The following HSD17B11 variants were observed in gnomAD, a reference collection of about 807,000 sequenced individuals.
HSD17B11 encodes hydroxysteroid 17-beta dehydrogenase 11.
A neutral mutation model predicts 27.8 loss-of-function variants in HSD17B11; 22 were observed. That is an observed-to-expected ratio of 0.79 (90% CI 0.56 to 1.13). The LOEUF (loss-of-function observed/expected upper bound fraction) is 1.13, where lower values mean the gene tolerates loss of function less well. Ranked by LOEUF, HSD17B11 falls within the 50% of genes most tolerant of loss-of-function variation. The pLI is 0.00. For missense variants in HSD17B11, 314 were observed against 351.1 expected (o/e 0.89, Z 0.84); for synonymous variants, 117 against 132.8 (o/e 0.88, Z 0.82).
intron 5 of HSD17B11, among the ~76,000 whole-genome samples, chr4:87,354,789 G>A (rs1308484595): frequency 2.0e-5 from 3 of 151,890 alleles, no homozygotes; most frequent in Middle Eastern, 3.4e-3. Flanking sequence ...GGAAATATGG[G>A]GAAGTTTGAG....
At chr4:87,379,825 G>A (rs888031745) in intron 2 of HSD17B11, among the ~76,000 whole-genome samples, 25 of 115,728 alleles carry the variant, frequency 2.2e-4, no homozygotes, top group Non-Finnish European at 3.9e-4. Context: ...AGTATTAATA[G>A]TATATGTATT....
intron 4 of HSD17B11, among the ~76,000 whole-genome samples, chr4:87,370,981 T>C (rs1273974054): frequency 3.8e-5 from 5 of 131,944 alleles, no homozygotes; most frequent in South Asian, 2.2e-4. Context: ...CTCGATCTCC[T>C]GACCTCGTGA....
At chr4:87,383,452 A>G (rs1395254064) in intron 1 of HSD17B11, among the ~76,000 whole-genome samples, 1 of 152,202 alleles carries the variant, frequency 6.6e-6, no homozygotes, top group Non-Finnish European at 1.5e-5. Flanking sequence ...GAAAAAATGT[A>G]GAGGAAAGAA....
chr4:87,379,561 A>ATAT (rs1401893506), intron 2 of HSD17B11, among the ~76,000 whole-genome samples: 1 of 146,464 alleles, frequency 6.8e-6, no homozygotes, highest in African/African-American at 2.5e-5. Context: ...ATACATCTAC[A>ATAT]TATACATCTC....
Position 87,365,525 on chromosome 4 carries a change from C to T in HSD17B11, c.557+7184G>A, listed in dbSNP as rs114402895. Among the ~76,000 whole-genome samples, 1,096 of 152,234 alleles carry T rather than the reference C, an allele frequency of 7.2e-3. 15 individuals carry two copies. Among genetic ancestry groups the T allele is most frequent in the African/African-American group, 0.025 (1,052 of 41,524 alleles). On this transcript the variant is annotated intron_variant, in intron 4 of 6. Transcript: ENST00000358290. ...AAAGCCATCAGATTCTAGATAAGGC[C>T]TCATGCCCCTGGCTATGCTGGAGAG... is the stretch of plus-strand genomic sequence containing the variant.
Position 87,357,948 on chromosome 4 carries a change from AATTTT to A in HSD17B11, c.558-537_558-533del, listed in dbSNP as rs1444565240. Among the ~76,000 whole-genome samples the A allele has an allele frequency of 1.2e-3, 114 of 97,378 alleles. 2 individuals carry two copies. Among genetic ancestry groups the A allele is most frequent in the African/African-American group, 4.4e-3 (98 of 22,298 alleles). 63.9% of individuals were successfully genotyped at this position (97,378 alleles called of 152,430 possible). On this transcript the variant is annotated intron_variant, in intron 4 of 6. Coordinates refer to ENST00000358290, the MANE Select transcript of HSD17B11 (RefSeq NM_016245.5). ...TTTGTAACTGAACATTCATTAGAGA[AATTTT>A]TTTTTTTTTTTTTTTTTTTTTTTTT...
intron 4 of HSD17B11, among the ~76,000 whole-genome samples, chr4:87,363,560 T>C (rs1040241760): frequency 1.1e-4 from 16 of 152,352 alleles, no homozygotes; most frequent in Middle Eastern, 3.4e-3. Context: ...CCTTGTTTTA[T>C]GTGCTTGGGA....
intron 4 of HSD17B11, among the ~76,000 whole-genome samples, chr4:87,371,645 G>T (rs1209800625): frequency 6.6e-6 from 1 of 152,172 alleles, no homozygotes; most frequent in Non-Finnish European, 1.5e-5. Context: ...TTGCCCAATT[G>T]TTAATAACAA....
intron 6 of HSD17B11, among the ~76,000 whole-genome samples, chr4:87,338,464 T>G (rs543171201): frequency 1.3e-5 from 2 of 152,334 alleles, no homozygotes; most frequent in African/African-American, 4.8e-5. Context: ...ATGATAATAA[T>G]AATAGTAGTA....
intron 2 of HSD17B11, among the ~76,000 whole-genome samples, chr4:87,381,186 CAAAAAAAA>C (rs58998729): frequency 0.35 from 40,244 of 114,440 alleles, 6,065 homozygotes; most frequent in Admixed American, 0.37. Context: ...GACTCCATTT[CAAAAAAAA>C]AAAAAAAAAA....
chr4:87,364,270 G>GA (rs34342374), intron 4 of HSD17B11, among the ~76,000 whole-genome samples: 5,616 of 121,276 alleles, frequency 0.046, 137 homozygotes, highest in Middle Eastern at 0.086. Context: ...CCAGTTTTGG[G>GA]AAAAAAAAAA....
intron 5 of HSD17B11, among the ~76,000 whole-genome samples, chr4:87,347,023 AG>A (rs1735283668): frequency 6.6e-6 from 1 of 151,500 alleles, no homozygotes; most frequent in African/African-American, 2.4e-5. Flanking sequence ...ATACCTTTAT[AG>A]TAAACAGTAA....
intron 3 of HSD17B11, among the ~76,000 whole-genome samples, chr4:87,373,810 AT>A (rs113592342): frequency 0.36 from 54,440 of 152,072 alleles, 11,052 homozygotes; most frequent in African/African-American, 0.54. Context: ...ATAACACTGC[AT>A]TTTTATAAAC....
At chr4:87,387,398 C>T (rs942703435) in intron 1 of HSD17B11, among the ~76,000 whole-genome samples, 2 of 152,134 alleles carry the variant, frequency 1.3e-5, no homozygotes, top group Non-Finnish European at 2.9e-5. Flanking sequence ...AAGGGCCCTC[C>T]GTTTGGCCCC....
In HSD17B11 at chr4:87,390,990, A is replaced by C. The variant is rs910333976; in HGVS notation, c.81T>G (p.Ile27Met). Residue 27 changes from isoleucine (I) to methionine (M), a missense_variant, in exon 1 of 7, where the codon ATT becomes ATG. Ile to Met is a conservative substitution (Grantham distance 10, BLOSUM62 1). Coordinates refer to ENST00000358290, the MANE Select transcript of HSD17B11 (RefSeq NM_016245.5). ...CSLESFVKLFIPKRRKSVTGE... is the reference protein window; with the variant it reads ...CSLESFVKLFMPKRRKSVTGE... Reference sequence around the variant, plus strand: ...CGGTGACTGATTTTCTCCTCTTAGGAATAAAAAGCTTCACGAAGGACTCTA... The same window carrying C: ...CGGTGACTGATTTTCTCCTCTTAGGCATAAAAAGCTTCACGAAGGACTCTA... 2 of 1,614,012 alleles carry C rather than the reference A, an allele frequency of 1.2e-6. No homozygotes were observed. Among genetic ancestry groups the C allele is most frequent in the African/African-American group, 2.7e-5 (2 of 74,912 alleles).
At chr4:87,372,873 T>C (rs985553636) in intron 3 of HSD17B11, 58 bp from the exon 4 acceptor site, 27 of 1,027,948 alleles carry the variant, frequency 2.6e-5, no homozygotes, top group African/African-American at 6.5e-5. Context: ...CACAGACCTA[T>C]TGGGAATATT....
At chr4:87,363,846 T>C (rs1735568523) in intron 4 of HSD17B11, among the ~76,000 whole-genome samples, 1 of 152,214 alleles carries the variant, frequency 6.6e-6, no homozygotes, top group South Asian at 2.1e-4. Flanking sequence ...TTAATATATG[T>C]GTCTATTCTC....
At chr4:87,373,619 A>C (rs1735763236) in intron 3 of HSD17B11, among the ~76,000 whole-genome samples, 1 of 152,010 alleles carries the variant, frequency 6.6e-6, no homozygotes. Context: ...CCAAGGTGGG[A>C]AGATCATTTG....
intron 4 of HSD17B11, among the ~76,000 whole-genome samples, chr4:87,362,592 G>GT (rs1735538409): frequency 6.6e-6 from 1 of 152,194 alleles, no homozygotes; most frequent in Non-Finnish European, 1.5e-5. Context: ...GACCCTCTCA[G>GT]TAAAGTCCCT....
Sources: gnomAD v4.1 joint callset for allele counts (sites outside exome capture counted in the v4.1 genomes callset) on GRCh38, gnomAD v4.1.1 for gene constraint, MANE v1.5 for transcripts, NCBI Gene and HGNC (gene_info 2026-07-23, HGNC 2026-07-21) for gene names.